SORBS2: variants seen among roughly 807,000 people sequenced by gnomAD.
The protein encoded by SORBS2 is sorbin and SH3 domain-containing protein 2.
SORBS2 carries 46 observed loss-of-function variants against 97.7 expected under a neutral mutation model. That is an observed-to-expected ratio of 0.47 (90% CI 0.37 to 0.60). SORBS2 has a LOEUF of 0.60. Among genes scored for constraint, SORBS2 ranks in the 20% least tolerant of loss-of-function variants. The pLI, the probability that SORBS2 is intolerant of heterozygous loss-of-function variation, is 0.00. For missense variants in SORBS2, 1,316 were observed against 1,282.3 expected, an observed-to-expected ratio of 1.03 and a Z score of -0.40; for synonymous variants, 476 against 473.4, an observed-to-expected ratio of 1.01 and a Z score of -0.07.
chr4:185,801,660 T>G (rs1447196061), intron 1 of SORBS2, among the ~76,000 whole-genome samples: 3 of 110,332 alleles, frequency 2.7e-5, no homozygotes, highest in African/African-American at 9.9e-5. Context: ...ATTTTTTAAC[T>G]GAATCATCTC....
At chr4:185,752,442 A>G (rs1004171514) in intron 2 of SORBS2, among the ~76,000 whole-genome samples, 5 of 151,884 alleles carry the variant, frequency 3.3e-5, no homozygotes, top group Non-Finnish European at 5.9e-5. Context: ...CACCCAGCTA[A>G]TTTTTTGTAT....
intron 1 of SORBS2, among the ~76,000 whole-genome samples, chr4:185,950,248 C>CAA (rs10655336): frequency 0.16 from 23,212 of 147,000 alleles, 1,914 homozygotes; most frequent in Middle Eastern, 0.26. Context: ...AAGACTGTCT[C>CAA]AAAAAAAAAA....
chr4:185,812,657 A>G (rs949604472), intron 1 of SORBS2, among the ~76,000 whole-genome samples: 1 of 146,548 alleles, frequency 6.8e-6, no homozygotes, highest in African/African-American at 2.5e-5. Context: ...TTTAAATGAT[A>G]ATCTTAGAGC....
In SORBS2 at chr4:185,758,623, G is replaced by A. The variant is rs146861303; in HGVS notation, c.-198+16604C>T. On this transcript the variant is annotated intron_variant, in intron 2 of 20. Transcript: ENST00000284776. ...AGGCACCTTCCTTCCTCACCTGGCC[G>A]TTGCAATAGCTTCCTAATTAGTCTC... is the stretch of plus-strand genomic sequence containing the variant. 1.6e-4 allele frequency among the ~76,000 whole-genome samples: 25 copies of A among 152,188 alleles called. 2 individuals are homozygous for A. Among genetic ancestry groups the A allele is most frequent in the South Asian group, 4.2e-4 (2 of 4,818 alleles).
At chr4:185,685,690 C>T (rs1351040990) in intron 2 of SORBS2, among the ~76,000 whole-genome samples, 3 of 152,098 alleles carry the variant, frequency 2.0e-5, no homozygotes, top group Non-Finnish European at 4.4e-5. Flanking sequence ...CACCGGCTAA[C>T]GTTTTAACTT....
rs893812258 is a variant in SORBS2, at chr4:185,656,777, A to C, written c.-139T>G. 3.4e-6 allele frequency: 5 copies of C among 1,483,818 alleles called. 1 individual carries two copies. The African/African-American group carries it at 7.1e-5, about 21-fold the overall frequency. 91.9% of individuals were successfully genotyped at this position (1,483,818 alleles called of 1,614,324 possible). ...TTGCCGGAAGGGGCTGCCCAGATAC[A>C]CTGAGCAATGCTTTGGCAGAGTTTT... On this transcript the variant is annotated 5_prime_UTR_variant, in exon 1 of 15. Transcript: ENST00000418609.
In SORBS2 at chr4:185,839,846, G is replaced by C. The variant is rs141090241; in HGVS notation, c.-337-64480C>G. On this transcript the variant is annotated intron_variant, in intron 1 of 20. Transcript: ENST00000284776. ...TAGATGTTTGGCCTGTTTAAAGAAG[G>C]ATCCTTAGAGGGATGGAGTCATAAA... Among the ~76,000 whole-genome samples, 550 of 152,284 alleles carry C rather than the reference G, an allele frequency of 3.6e-3. 1 individual carries two copies. The highest frequency in any genetic ancestry group is 9.5e-3 in the African/African-American group (396 of 41,550).
At chr4:185,827,246 CCAT>C (rs1321551838) in intron 1 of SORBS2, among the ~76,000 whole-genome samples, 390 of 7,788 alleles carry the variant, frequency 0.05, 1 homozygote, top group Non-Finnish European at 0.078. Flanking sequence ...ACCATCACCA[CCAT>C]CATCATCACC....
chr4:185,642,530 A>G (rs1052661861), intron 4 of SORBS2, among the ~76,000 whole-genome samples: 3 of 152,196 alleles, frequency 2.0e-5, no homozygotes, highest in African/African-American at 7.2e-5. Context: ...AAATTGTGGA[A>G]ATACGGTTCT....
chr4:185,767,825 A>G (rs2098945500), intron 2 of SORBS2, among the ~76,000 whole-genome samples: 2 of 152,154 alleles, frequency 1.3e-5, no homozygotes, highest in Non-Finnish European at 2.9e-5. Context: ...GCTCAGCAGT[A>G]TTACTAACAC....
rs543949065 is a variant in SORBS2 at position 185,844,393 on chromosome 4, C to T, written c.-337-69027G>A. 5.8e-4 allele frequency among the ~76,000 whole-genome samples: 88 copies of T among 152,300 alleles called. 1 individual carries two copies. Among genetic ancestry groups the T allele is most frequent in the African/African-American group, 2.1e-3 (87 of 41,568 alleles). ...TTGGTCACCAGTGAAATGCAAAACACACCCACAATAAGAGAGCACTTCACA... is the reference window on the plus strand; with the variant it reads ...TTGGTCACCAGTGAAATGCAAAACATACCCACAATAAGAGAGCACTTCACA... On this transcript the variant is annotated intron_variant, in intron 1 of 20. Coordinates refer to the SORBS2 transcript ENST00000284776.
intron 2 of SORBS2, among the ~76,000 whole-genome samples, chr4:185,714,479 G>C (rs12643220): frequency 0.78 from 117,902 of 151,666 alleles, 47,121 homozygotes; most frequent in Non-Finnish European, 0.89. Flanking sequence ...CATCAACACA[G>C]AAAACCTATA....
At chr4:185,662,229 ACT>A in exon 5 of SORBS2, 1 of 1,609,576 alleles carries the variant, frequency 6.2e-7, no homozygotes, top group Non-Finnish European at 8.5e-7. Context: ...GTTTCCATTC[ACT>A]GTTATCTGGC....
intron 1 of SORBS2, among the ~76,000 whole-genome samples, chr4:185,784,718 C>G (rs953775715): frequency 1.3e-5 from 2 of 152,194 alleles, no homozygotes; most frequent in African/African-American, 2.4e-5. Context: ...CAGCAATAAA[C>G]TATTAGGCCT....
chr4:185,756,597 T>C (rs1401325933), intron 2 of SORBS2, among the ~76,000 whole-genome samples: 2 of 152,182 alleles, frequency 1.3e-5, no homozygotes, highest in Non-Finnish European at 2.9e-5. Flanking sequence ...TACATATGCT[T>C]ACAGGTAATA....
At chr4:185,910,741 G>A (rs1181391610) in intron 1 of SORBS2, among the ~76,000 whole-genome samples, 1 of 152,028 alleles carries the variant, frequency 6.6e-6, no homozygotes, top group East Asian at 1.9e-4. Context: ...ACATCTGACT[G>A]CAACTTTTAT....
intron 4 of SORBS2, chr4:185,666,330 A>G (rs904167826): frequency 2.4e-6 from 1 of 425,102 alleles, no homozygotes; most frequent in South Asian, 1.9e-5. Context: ...AGTTACATTC[A>G]GATGGGTTAG....
chr4:185,729,394 G>A (rs1041828571), intron 2 of SORBS2, among the ~76,000 whole-genome samples: 1 of 152,146 alleles, frequency 6.6e-6, no homozygotes, highest in African/African-American at 2.4e-5. Context: ...GTTTCCATCC[G>A]TATTTCCATT....
At chr4:185,700,198 A>G (rs1021146227) in intron 2 of SORBS2, among the ~76,000 whole-genome samples, 2 of 152,254 alleles carry the variant, frequency 1.3e-5, no homozygotes, top group African/African-American at 4.8e-5. Context: ...GCAATTGTTG[A>G]AAAATATAAT....
Sources: allele counts gnomAD v4.1 joint callset (sites outside exome capture counted in the v4.1 genomes callset), GRCh38; gene constraint gnomAD v4.1.1; transcripts MANE v1.5; gene names NCBI Gene and HGNC (gene_info 2026-07-23, HGNC 2026-07-21).